LUZP2: variants seen among roughly 807,000 people sequenced by gnomAD.
LUZP2 encodes leucine zipper protein 2.
In LUZP2, 52 loss-of-function variants were observed where a neutral mutation model predicts 51.6. That is an observed-to-expected ratio of 1.01 (90% CI 0.81 to 1.27). The LOEUF (loss-of-function observed/expected upper bound fraction) is 1.27, where lower values mean the gene tolerates loss of function less well. Among genes scored for constraint, LUZP2 ranks in the 50% most tolerant of loss-of-function variants. LUZP2 has a pLI of 0.00. For synonymous variants in LUZP2, 154 were observed against 137.3 expected (o/e 1.12, Z -0.85); for missense variants, 436 against 395.4 (o/e 1.10, Z -0.87).
intron 1 of LUZP2, among the ~76,000 whole-genome samples, chr11:24,589,467 A>G (rs1853186240): frequency 6.6e-6 from 1 of 152,184 alleles, no homozygotes; most frequent in African/African-American, 2.4e-5. Context: ...TCTGTGATTT[A>G]TTAACTTGCA....
intron 5 of LUZP2, among the ~76,000 whole-genome samples, chr11:24,770,890 A>G (rs546979135): frequency 1.3e-5 from 2 of 152,168 alleles, no homozygotes; most frequent in Non-Finnish European, 2.9e-5. Flanking sequence ...TTGAGAAAGC[A>G]CTACCTCCGC....
chr11:24,644,698 A>G (rs1855411912), intron 1 of LUZP2, among the ~76,000 whole-genome samples: 1 of 152,156 alleles, frequency 6.6e-6, no homozygotes, highest in Non-Finnish European at 1.5e-5. Flanking sequence ...AGCTAAGTCA[A>G]CAAGTTGCAG....
chr11:24,993,602 G>A (rs983220781), intron 9 of LUZP2, among the ~76,000 whole-genome samples: 2 of 151,942 alleles, frequency 1.3e-5, no homozygotes, highest in Non-Finnish European at 1.5e-5. Flanking sequence ...ACCATTATGC[G>A]ATGCCTTTTT....
chr11:24,877,463 T>G (rs10834522), intron 5 of LUZP2, among the ~76,000 whole-genome samples: 74,370 of 151,758 alleles, frequency 0.49, 18,625 homozygotes, highest in East Asian at 0.69. Flanking sequence ...TAAATTTTTA[T>G]GGGTACATAG....
At chr11:25,042,827 C>T (rs1052213152) in intron 9 of LUZP2, among the ~76,000 whole-genome samples, 2 of 152,098 alleles carry the variant, frequency 1.3e-5, no homozygotes, top group Non-Finnish European at 2.9e-5. Context: ...CTTATAAAGA[C>T]ACTTGTGATA....
chr11:24,759,629 G>A (rs1004126651), intron 4 of LUZP2, among the ~76,000 whole-genome samples: 1 of 152,032 alleles, frequency 6.6e-6, no homozygotes, highest in Non-Finnish European at 1.5e-5. Flanking sequence ...TGAAAGAACA[G>A]GTTATTAATA....
intron 1 of LUZP2, among the ~76,000 whole-genome samples, chr11:24,618,801 G>A (rs866817753): frequency 4.6e-5 from 7 of 152,050 alleles, no homozygotes; most frequent in East Asian, 1.9e-4. Flanking sequence ...ACAGGGACAA[G>A]GACCTCTATG....
Position 25,014,218 on chromosome 11 carries a change from G to A in LUZP2, c.765+30925G>A, listed in dbSNP as rs188521639. Among the ~76,000 whole-genome samples, 852 of 152,172 alleles carry A rather than the reference G, an allele frequency of 5.6e-3. 9 individuals carry two copies. The highest frequency in any genetic ancestry group is 0.024 in the East Asian group (125 of 5,168). On this transcript the variant is annotated intron_variant, in intron 9 of 11. Transcript: ENST00000336930. ...AGTGCCACAATAAACATACGTGTGC[G>A]TGTGTCTTTATAGCAGCATGTTTTA...
At chr11:24,864,242 T>C (rs943094459) in intron 5 of LUZP2, among the ~76,000 whole-genome samples, 1 of 152,188 alleles carries the variant, frequency 6.6e-6, no homozygotes, top group Non-Finnish European at 1.5e-5. Flanking sequence ...ATGTAGACTC[T>C]ATAATGTCTT....
chr11:24,670,041 A>G (rs1856352631), intron 1 of LUZP2, among the ~76,000 whole-genome samples: 1 of 152,088 alleles, frequency 6.6e-6, no homozygotes, highest in African/African-American at 2.4e-5. Context: ...TATATTTCCG[A>G]TGAATAACTT....
chr11:25,019,773 A>T (rs1857276644), intron 9 of LUZP2, among the ~76,000 whole-genome samples: 1 of 152,058 alleles, frequency 6.6e-6, no homozygotes, highest in Admixed American at 6.6e-5. Context: ...CCGTTATGGG[A>T]GCCTGACTTC....
At chr11:24,892,543 C>T (rs1852891337) in intron 5 of LUZP2, 2 of 532,290 alleles carry the variant, frequency 3.8e-6, no homozygotes, top group East Asian at 3.1e-4. Context: ...TTCTATTCTC[C>T]ATAACATTCT....
At chr11:24,748,024 G>A (rs1454672338) in intron 4 of LUZP2, among the ~76,000 whole-genome samples, 1 of 152,120 alleles carries the variant, frequency 6.6e-6, no homozygotes, top group Non-Finnish European at 1.5e-5. Context: ...TCCCCTTCCT[G>A]TGGAGTCTGC....
chr11:24,563,187 T>C (rs1852109867), intron 1 of LUZP2, among the ~76,000 whole-genome samples: 1 of 152,146 alleles, frequency 6.6e-6, no homozygotes, highest in Non-Finnish European at 1.5e-5. Flanking sequence ...TTTCCTCTAT[T>C]TGAAACTGGG....
intron 1 of LUZP2, among the ~76,000 whole-genome samples, chr11:24,610,793 A>G (rs570099599): frequency 5.3e-5 from 8 of 152,268 alleles, no homozygotes; most frequent in African/African-American, 1.7e-4. Flanking sequence ...TGAAAACACA[A>G]AATGAGCTGG....
At chr11:24,801,711 G>A (rs1564911357) in intron 5 of LUZP2, among the ~76,000 whole-genome samples, 1 of 151,236 alleles carries the variant, frequency 6.6e-6, no homozygotes, top group Non-Finnish European at 1.5e-5. Context: ...GACAATAATA[G>A]TCTAGTAGGG....
chr11:24,644,078 A>G (rs1007448087), intron 1 of LUZP2, among the ~76,000 whole-genome samples: 2 of 152,168 alleles, frequency 1.3e-5, no homozygotes, highest in Non-Finnish European at 2.9e-5. Context: ...TGTAGGTTGA[A>G]TAATCCCCAT....
chr11:25,076,721 C>T lies in LUZP2; in HGVS notation c.859-608C>T, dbSNP rs572797197. Among the ~76,000 whole-genome samples, 20 of 147,364 alleles carry T rather than the reference C, an allele frequency of 1.4e-4. No homozygotes were observed. The South Asian group carries it at 4.4e-3, about 32-fold the overall frequency. On this transcript the variant is annotated intron_variant, in intron 10 of 11. Coordinates refer to ENST00000336930, the MANE Select transcript of LUZP2 (RefSeq NM_001009909.4). ...ACCCTGGTTAAAATAGAAGTGAAGCCCAAGTGGAATCCTTTTTTTTTTTTT... is the reference window on the plus strand; with the variant it reads ...ACCCTGGTTAAAATAGAAGTGAAGCTCAAGTGGAATCCTTTTTTTTTTTTT...
intron 1 of LUZP2, among the ~76,000 whole-genome samples, chr11:24,573,577 T>C (rs567854051): frequency 8.2e-4 from 125 of 152,116 alleles, no homozygotes; most frequent in Non-Finnish European, 1.3e-3. Context: ...CCTCCATATT[T>C]AGAGTAGTTA....
Sources: gnomAD v4.1 joint callset for allele counts (sites outside exome capture counted in the v4.1 genomes callset) on GRCh38, gnomAD v4.1.1 for gene constraint, MANE v1.5 for transcripts, NCBI Gene and HGNC (gene_info 2026-07-23, HGNC 2026-07-21) for gene names.